PDE10A: variants seen among roughly 807,000 people sequenced by gnomAD.
The protein encoded by PDE10A is cAMP and cAMP-inhibited cGMP 3',5'-cyclic phosphodiesterase 10A.
Under a neutral mutation model 97.7 loss-of-function variants are expected in PDE10A, and 39 were observed. The observed-to-expected ratio is 0.40, with a 90% confidence interval of 0.31 to 0.52. The LOEUF is 0.52. Ranked by LOEUF, PDE10A falls within the 20% of genes least tolerant of loss-of-function variation. The pLI, the probability that PDE10A is intolerant of heterozygous loss-of-function variation, is 0.56. For missense variants in PDE10A, 731 were observed against 1,047.8 expected (o/e 0.70, Z 4.17); for synonymous variants, 371 against 376.8 (o/e 0.98, Z 0.18).
chr6:165,804,085 G>A (rs1251200341), intron 1 of PDE10A, among the ~76,000 whole-genome samples: 1 of 152,100 alleles, frequency 6.6e-6, no homozygotes, highest in Non-Finnish European at 1.5e-5. Context: ...AATGAAAGAC[G>A]GGAAGGAACC....
chr6:165,542,753 G>C (rs1171094417), intron 2 of PDE10A, among the ~76,000 whole-genome samples: 1 of 151,250 alleles, frequency 6.6e-6, no homozygotes, highest in Non-Finnish European at 1.5e-5. Flanking sequence ...TGAGTAGCTG[G>C]GACTACAGGT....
chr6:165,935,719 C>T (rs1408303064), intron 1 of PDE10A, among the ~76,000 whole-genome samples: 1 of 152,192 alleles, frequency 6.6e-6, no homozygotes, highest in Non-Finnish European at 1.5e-5. Context: ...GGGCTCTGCC[C>T]TTATGAATAG....
intron 1 of PDE10A, among the ~76,000 whole-genome samples, chr6:165,952,081 A>G (rs1783981691): frequency 6.6e-6 from 1 of 152,250 alleles, no homozygotes; most frequent in Admixed American, 6.5e-5. Flanking sequence ...CATGCGAAGT[A>G]ACGAGGCAGA....
intron 1 of PDE10A, among the ~76,000 whole-genome samples, chr6:165,980,416 A>G (rs1784979734): frequency 6.6e-6 from 1 of 152,208 alleles, no homozygotes; most frequent in Non-Finnish European, 1.5e-5. Context: ...TTATAAAAGC[A>G]AGAGACTAGT....
chr6:165,755,092 G>GAC (rs555463013), intron 1 of PDE10A, among the ~76,000 whole-genome samples: 4 of 152,242 alleles, frequency 2.6e-5, no homozygotes, highest in African/African-American at 7.2e-5. Flanking sequence ...AAGCTTCTCT[G>GAC]ACACACCTTC....
intron 2 of PDE10A, among the ~76,000 whole-genome samples, chr6:165,503,175 T>C (rs1780993408): frequency 6.6e-6 from 1 of 152,140 alleles, no homozygotes; most frequent in African/African-American, 2.4e-5. Context: ...CAACACCAGC[T>C]GAGGGCAGCA....
chr6:165,356,057 A>T (rs904551465), intron 18 of PDE10A, among the ~76,000 whole-genome samples: 1 of 152,138 alleles, frequency 6.6e-6, no homozygotes, highest in Admixed American at 6.5e-5. Context: ...GAGCAAGCAA[A>T]GTGGGAGGTG....
intron 1 of PDE10A, among the ~76,000 whole-genome samples, chr6:165,952,485 A>G (rs1027080824): frequency 4.6e-5 from 7 of 152,220 alleles, no homozygotes; most frequent in Middle Eastern, 3.2e-3. Flanking sequence ...ACACACACAC[A>G]TTTGCAAATT....
chr6:165,785,551 C>T (rs1778469332), intron 1 of PDE10A, among the ~76,000 whole-genome samples: 1 of 152,146 alleles, frequency 6.6e-6, no homozygotes, highest in African/African-American at 2.4e-5. Flanking sequence ...TGTGTTAAAC[C>T]AAATTCGTAT....
At chr6:165,527,339 C>T (rs1441638179) in intron 2 of PDE10A, among the ~76,000 whole-genome samples, 2 of 152,168 alleles carry the variant, frequency 1.3e-5, no homozygotes, top group African/African-American at 4.8e-5. Flanking sequence ...TGCAACAGGT[C>T]CAGGCTAACA....
At chr6:165,748,833 T>TGC (rs894415869) in intron 1 of PDE10A, among the ~76,000 whole-genome samples, 12 of 151,882 alleles carry the variant, frequency 7.9e-5, no homozygotes, top group African/African-American at 2.9e-4. Flanking sequence ...TGTGTGTGTG[T>TGC]GATTTCACTC....
At chr6:165,686,250 G>T (rs890009048) in intron 1 of PDE10A, among the ~76,000 whole-genome samples, 1 of 152,054 alleles carries the variant, frequency 6.6e-6, no homozygotes, top group Non-Finnish European at 1.5e-5. Context: ...CCTGAGATGT[G>T]ATGCATTCAG....
chr6:165,401,497 A>T (rs892839829), intron 13 of PDE10A, among the ~76,000 whole-genome samples: 2 of 152,338 alleles, frequency 1.3e-5, no homozygotes, highest in Non-Finnish European at 2.9e-5. Flanking sequence ...AAGCATGTAT[A>T]CCTAATTTAT....
intron 1 of PDE10A, among the ~76,000 whole-genome samples, chr6:165,568,289 G>A (rs552945758): frequency 1.1e-4 from 16 of 152,134 alleles, no homozygotes; most frequent in African/African-American, 2.2e-4. Context: ...GTGAGCCACC[G>A]CATCCGGCCA....
chr6:165,430,936 CT>C (rs1172156321), intron 8 of PDE10A, among the ~76,000 whole-genome samples: 1 of 152,064 alleles, frequency 6.6e-6, no homozygotes, highest in East Asian at 1.9e-4. Flanking sequence ...CTACCATGTT[CT>C]TGAACTTTAA....
intron 5 of PDE10A, among the ~76,000 whole-genome samples, chr6:165,443,848 C>T (rs1349402911): frequency 3.3e-5 from 5 of 152,160 alleles, no homozygotes; most frequent in African/African-American, 1.2e-4. Context: ...ACCATTTTTC[C>T]TAGGCCTCTG....
chr6:165,460,700 C>T (rs1395666722), intron 3 of PDE10A, among the ~76,000 whole-genome samples: 1 of 152,070 alleles, frequency 6.6e-6, no homozygotes, highest in Non-Finnish European at 1.5e-5. Context: ...CGATGGACAA[C>T]CTGGGACTAT....
intron 1 of PDE10A, among the ~76,000 whole-genome samples, chr6:165,682,723 C>T (rs1425786268): frequency 5.9e-5 from 9 of 152,142 alleles, no homozygotes; most frequent in East Asian, 5.8e-4. Flanking sequence ...GTTTATAACT[C>T]GCCAAGTTTA....
At chr6:165,360,063 T>C (rs1198818701) in intron 18 of PDE10A, among the ~76,000 whole-genome samples, 1 of 152,238 alleles carries the variant, frequency 6.6e-6, no homozygotes, top group Non-Finnish European at 1.5e-5. Flanking sequence ...GAATCAAGTA[T>C]TGTCTTTGTT....
Sources: allele counts gnomAD v4.1 joint callset (sites outside exome capture counted in the v4.1 genomes callset), GRCh38; gene constraint gnomAD v4.1.1; transcripts MANE v1.5; gene names NCBI Gene and HGNC (gene_info 2026-07-23, HGNC 2026-07-21).